NEDD4: variants seen among roughly 807,000 people sequenced by gnomAD.
NEDD4 encodes the protein NEDD4 E3 ubiquitin protein ligase, also known as E3 ubiquitin-protein ligase NEDD4.
Under a neutral mutation model 144.9 loss-of-function variants are expected in NEDD4, and 99 were observed. The observed-to-expected ratio is 0.68, with a 90% CI of 0.58 to 0.81. The LOEUF is 0.81. NEDD4 is among the 30% of genes least tolerant of loss of function. The pLI is 0.00. For synonymous variants in NEDD4, 318 were observed against 350.6 expected, an observed-to-expected ratio of 0.91 and a Z score of 1.04; for missense variants, 985 against 1,065.9, an observed-to-expected ratio of 0.92 and a Z score of 1.06.
At chr15:55,949,656 A>C (rs1225793521) in intron 4 of NEDD4, among the ~76,000 whole-genome samples, 1 of 152,224 alleles carries the variant, frequency 6.6e-6, no homozygotes, top group Non-Finnish European at 1.5e-5. Context: ...TTGTAGGGAC[A>C]TGGATGAAGC....
chr15:55,827,299 C>T lies in NEDD4; in HGVS notation c.*2598G>A, dbSNP rs1307736461. Reference sequence around the variant, plus strand: ...TTATGAAAATGATCCTACTGACTGTCCCGCAGTAGAATGCATTTGAGACAC... The same window carrying T: ...TTATGAAAATGATCCTACTGACTGTTCCGCAGTAGAATGCATTTGAGACAC... On this transcript the variant is annotated 3_prime_UTR_variant, in exon 29 of 29. Transcript: ENST00000435532. 3 of 152,164 alleles carry T rather than the reference C, an allele frequency of 2.0e-5. No individual in the cohort carries two copies. The highest frequency in any genetic ancestry group is 4.4e-5 in the Non-Finnish European group (3 of 68,034). The allele number at this position is 152,164 out of a possible 1,614,324, so 9.4% of individuals were successfully genotyped here.
intron 5 of NEDD4, among the ~76,000 whole-genome samples, chr15:55,909,915 C>G (rs796752084): frequency 1.2e-4 from 18 of 152,264 alleles, no homozygotes; most frequent in African/African-American, 4.3e-4. Context: ...GAAAGTTAGA[C>G]TAATGCTGTC....
At chr15:55,935,314 T>C (rs1316455011) in intron 4 of NEDD4, among the ~76,000 whole-genome samples, 1 of 152,202 alleles carries the variant, frequency 6.6e-6, no homozygotes, top group African/African-American at 2.4e-5. Flanking sequence ...TGATGGGGTG[T>C]CCTGCCTTCT....
At position 55,869,656 on chromosome 15, in the gene NEDD4, G is replaced by C; in HGVS notation, c.430C>G (p.Leu144Val). ...GGTAAATAAGTCATTTTTAGTCTCAGATAACCTTTAACTCTTGATTTGTGA... is the reference window on the plus strand; with the variant it reads ...GGTAAATAAGTCATTTTTAGTCTCACATAACCTTTAACTCTTGATTTGTGA... ...RSHKSRVKGY[L>V]RLKMTYLPKT... Residue 144 changes from leucine to valine, a missense_variant, in exon 8 of 29, where the codon CTG becomes GTG. Coordinates refer to ENST00000435532, the MANE Select transcript of NEDD4 (RefSeq NM_006154.4). 2 of 1,565,350 alleles carry C rather than the reference G, an allele frequency of 1.3e-6. No homozygotes were observed. The highest frequency in any genetic ancestry group is 1.7e-6 in the Non-Finnish European group (2 of 1,151,982).
intron 12 of NEDD4, among the ~76,000 whole-genome samples, chr15:55,853,255 T>C (rs1025587818): frequency 6.6e-6 from 1 of 152,104 alleles, no homozygotes; most frequent in Non-Finnish European, 1.5e-5. Flanking sequence ...AGTACTTCAC[T>C]TGGGAAAAAA....
chr15:55,981,004 CA>C (rs112215956), intron 1 of NEDD4, among the ~76,000 whole-genome samples: 4,322 of 145,272 alleles, frequency 0.03, 74 homozygotes, highest in Non-Finnish European at 0.036. Context: ...AAATATTCAA[CA>C]AAAAAAAATT....
chr15:55,920,291 G>A (rs1471536910), intron 5 of NEDD4, among the ~76,000 whole-genome samples: 3 of 151,884 alleles, frequency 2.0e-5, no homozygotes, highest in Non-Finnish European at 4.4e-5. Context: ...TTTCTCTGGA[G>A]AACCTTCACT....
intron 1 of NEDD4, among the ~76,000 whole-genome samples, chr15:55,968,094 A>G (rs1232211696): frequency 6.6e-6 from 1 of 152,218 alleles, no homozygotes; most frequent in African/African-American, 2.4e-5. Context: ...TAATATTATT[A>G]TCTTTTTTCT....
chr15:55,859,216 A>G (rs759691858), intron 11 of NEDD4, among the ~76,000 whole-genome samples: 2 of 152,210 alleles, frequency 1.3e-5, no homozygotes, highest in African/African-American at 2.4e-5. Context: ...TTGATGATAC[A>G]TATTAGACAG....
chr15:55,916,589 A>G, intron 5 of NEDD4: 1 of 1,614,026 alleles, frequency 6.2e-7, no homozygotes, highest in Non-Finnish European at 8.5e-7. Context: ...TGCTCTTTTT[A>G]TTAACATTTT....
chr15:55,907,074 G>A (rs1418770633), intron 5 of NEDD4, among the ~76,000 whole-genome samples: 4 of 151,558 alleles, frequency 2.6e-5, no homozygotes, highest in Non-Finnish European at 5.9e-5. Context: ...CAGCCTGGGC[G>A]ACAGAGCCAG....
intron 2 of NEDD4, among the ~76,000 whole-genome samples, chr15:55,960,873 T>C (rs1302764613): frequency 6.6e-6 from 1 of 152,184 alleles, no homozygotes; most frequent in African/African-American, 2.4e-5. Context: ...CCCCACCCAC[T>C]AGTTGACTGT....
intron 26 of NEDD4, among the ~76,000 whole-genome samples, chr15:55,833,331 A>G (rs1015636162): frequency 6.6e-6 from 1 of 152,172 alleles, no homozygotes; most frequent in Non-Finnish European, 1.5e-5. Context: ...TAGTGAAGTA[A>G]CAAAATTTCT....
chr15:55,982,857 C>T (rs920241896), intron 1 of NEDD4, among the ~76,000 whole-genome samples: 1 of 152,156 alleles, frequency 6.6e-6, no homozygotes, highest in South Asian at 2.1e-4. Flanking sequence ...GGTGGTGGCT[C>T]ACACCTGTAA....
At position 55,827,422 on chromosome 15, in the gene NEDD4, G is replaced by T. The variant is rs2032746389; in HGVS notation, c.*2475C>A. ...TGAAGGGGATGAAGGTCTGCAGCTG[G>T]GGACTGGTGGCAGTTGAGTCTGGTC... On this transcript the variant is annotated 3_prime_UTR_variant, in exon 29 of 29. Transcript: ENST00000435532. The T allele has an allele frequency of 6.6e-6, 1 of 152,196 alleles. No individual in the cohort carries two copies. Among genetic ancestry groups the T allele is most frequent in the Non-Finnish European group, 1.5e-5 (1 of 68,042 alleles). The allele number at this position is 152,196 out of a possible 1,614,324, so 9.4% of individuals were successfully genotyped here.
chr15:55,891,971 A>G (rs1321601175), intron 5 of NEDD4, among the ~76,000 whole-genome samples: 1 of 152,130 alleles, frequency 6.6e-6, no homozygotes, highest in Non-Finnish European at 1.5e-5. Flanking sequence ...GTTTCTATTA[A>G]ATATGAATTA....
At chr15:55,938,959 T>C (rs1341508464) in intron 4 of NEDD4, among the ~76,000 whole-genome samples, 1 of 151,908 alleles carries the variant, frequency 6.6e-6, no homozygotes, top group African/African-American at 2.4e-5. Context: ...AAAATAAAAA[T>C]GGTGGTGCGT....
rs570358048 is a variant in NEDD4, at chr15:55,981,635, A to C, written c.45+11876T>G. ...TTGACAGTAATAACCATAATAAAGA[A>C]GAAATATCCAGAATCCTTGGATTTA... On this transcript the variant is annotated intron_variant, in intron 1 of 28. Transcript: ENST00000435532. Among the ~76,000 whole-genome samples the C allele has an allele frequency of 2.6e-5, 4 of 152,334 alleles. No homozygotes were observed. The East Asian group carries it at 7.7e-4, about 29-fold the overall frequency.
chr15:55,856,390 C>T (rs2034196459), intron 11 of NEDD4, among the ~76,000 whole-genome samples, 194 bp from the exon 12 acceptor site: 1 of 152,140 alleles, frequency 6.6e-6, no homozygotes, highest in Non-Finnish European at 1.5e-5. Context: ...CATCCAGCTC[C>T]CATGCCCCCC....
Sources: gnomAD v4.1 joint callset for allele counts (sites outside exome capture counted in the v4.1 genomes callset) on GRCh38, gnomAD v4.1.1 for gene constraint, MANE v1.5 for transcripts, NCBI Gene and HGNC (gene_info 2026-07-23, HGNC 2026-07-21) for gene names.